Variants in LIPC observed in about 807,000 individuals in gnomAD.
The protein encoded by LIPC is hepatic triacylglycerol lipase.
LIPC carries 44 observed loss-of-function variants against 50.7 expected under a neutral mutation model. The ratio of observed to expected loss-of-function variants is 0.87; its 90% CI spans 0.68 to 1.11. The LOEUF is 1.11. Among genes scored for constraint, LIPC ranks in the 50% most tolerant of loss-of-function variants. The pLI is 0.00. For synonymous variants in LIPC, 271 were observed against 256.4 expected (o/e 1.06, Z -0.54); for missense variants, 697 against 648.2 (o/e 1.08, Z -0.82).
chr15:58,534,937 G>C (rs1325649656), intron 1 of LIPC, among the ~76,000 whole-genome samples: 2 of 152,150 alleles, frequency 1.3e-5, no homozygotes, highest in Non-Finnish European at 2.9e-5. Context: ...CAGTGATTCT[G>C]TTTGTTTCTA....
Position 58,548,372 on chromosome 15 carries a change from A to T in LIPC, c.851A>T (p.His284Leu). The change falls in exon 6 of 9, where the codon CAC becomes CTC. Residue 284 changes from histidine to leucine, a missense_variant. By Grantham distance (99) the His-to-Leu change is moderately conservative (BLOSUM62 -3). Transcript: ENST00000299022. ...TIKCSHERSV[H>L]LFIDSLLHAG... is the part of the protein sequence containing the mutation. ...AAATGCTCCCACGAGCGATCGGTGC[A>T]CCTTTTCATCGACTCCTTGCTGCAC... is the stretch of plus-strand genomic sequence containing the variant. 2 of 1,613,982 alleles carry T rather than the reference A, an allele frequency of 1.2e-6. No homozygotes were observed. The highest frequency in any genetic ancestry group is 1.7e-6 in the Non-Finnish European group (2 of 1,179,990).
chr15:58,567,216 T>A (rs796822811), intron 8 of LIPC, among the ~76,000 whole-genome samples: 38,341 of 121,544 alleles, frequency 0.32, 7,530 homozygotes, highest in East Asian at 0.53. Context: ...AAATAAAAAA[T>A]ATATATATAT....
chr15:58,533,128 T>C (rs1451200991), intron 1 of LIPC: 2 of 982,888 alleles, frequency 2.0e-6, no homozygotes, highest in African/African-American at 1.7e-5. Flanking sequence ...CATCCCCAGA[T>C]TCTTATCACT....
At chr15:58,442,192 T>G in intron 1 of LIPC, among the ~76,000 whole-genome samples, 1 of 152,208 alleles carries the variant, frequency 6.6e-6, no homozygotes, top group East Asian at 1.9e-4. Context: ...TGGGACTGAT[T>G]AGAATGGTCA....
chr15:58,545,210 A>G (rs1368173521), intron 4 of LIPC, among the ~76,000 whole-genome samples: 4 of 152,184 alleles, frequency 2.6e-5, no homozygotes. Flanking sequence ...TTGCTCAAGT[A>G]AATCAAGCAT....
chr15:58,508,055 G>C (rs1892210928), intron 1 of LIPC, among the ~76,000 whole-genome samples: 1 of 152,226 alleles, frequency 6.6e-6, no homozygotes, highest in Non-Finnish European at 1.5e-5. Context: ...GTCCAGGTGT[G>C]TTGACAGACT....
chr15:58,532,883 T>C (rs1239210794), intron 1 of LIPC, among the ~76,000 whole-genome samples: 1 of 152,240 alleles, frequency 6.6e-6, no homozygotes, highest in African/African-American at 2.4e-5. Context: ...TAACTAGGAA[T>C]AGAAAAATCA....
intron 1 of LIPC, among the ~76,000 whole-genome samples, chr15:58,490,499 G>C (rs1359649980): frequency 2.0e-5 from 3 of 152,080 alleles, no homozygotes; most frequent in African/African-American, 7.2e-5. Context: ...CGCCGTTCGC[G>C]GGATAATTAT....
intron 1 of LIPC, among the ~76,000 whole-genome samples, chr15:58,519,478 G>C (rs1892589405): frequency 6.6e-6 from 1 of 151,914 alleles, no homozygotes; most frequent in African/African-American, 2.4e-5. Flanking sequence ...GATTAAGAGA[G>C]TTACTCTGAA....
At chr15:58,520,388 A>G (rs1374384429) in intron 1 of LIPC, among the ~76,000 whole-genome samples, 2 of 152,022 alleles carry the variant, frequency 1.3e-5, no homozygotes, top group South Asian at 4.2e-4. Context: ...CAACGTCTAA[A>G]CCATTCGATG....
At chr15:58,474,496 G>A (rs1265119892) in intron 1 of LIPC, among the ~76,000 whole-genome samples, 3 of 137,004 alleles carry the variant, frequency 2.2e-5, no homozygotes, top group African/African-American at 8.4e-5. Context: ...AGGCAACAGA[G>A]CTAGACCCTG....
chr15:58,500,421 G>A (rs12441548), intron 1 of LIPC, among the ~76,000 whole-genome samples: 81,133 of 151,984 alleles, frequency 0.53, 22,411 homozygotes, highest in East Asian at 0.65. Context: ...ATGTCTCCAT[G>A]TTGCTCTTGT....
intron 1 of LIPC, among the ~76,000 whole-genome samples, chr15:58,494,245 A>G (rs1478470086): frequency 2.0e-5 from 3 of 152,230 alleles, no homozygotes; most frequent in Non-Finnish European, 4.4e-5. Flanking sequence ...CAGCAGTGAC[A>G]TACCCATCAC....
chr15:58,513,735 A>G (rs1273644541), intron 1 of LIPC, among the ~76,000 whole-genome samples: 4 of 152,206 alleles, frequency 2.6e-5, no homozygotes, highest in African/African-American at 9.6e-5. Context: ...CTCAGTTCAC[A>G]GTTGTGCAGC....
chr15:58,457,641 C>T (rs773868763), intron 1 of LIPC, among the ~76,000 whole-genome samples: 5 of 152,182 alleles, frequency 3.3e-5, no homozygotes, highest in Non-Finnish European at 4.4e-5. Context: ...TGACTCAGGC[C>T]GCATCATTTT....
intron 6 of LIPC, among the ~76,000 whole-genome samples, chr15:58,559,383 C>G (rs140120301): frequency 3.3e-4 from 50 of 152,284 alleles, no homozygotes; most frequent in African/African-American, 1.2e-3. Context: ...TGTTAGGATT[C>G]GTGGATTAAC....
At chr15:58,565,022 C>T (rs1246521177) in intron 8 of LIPC, among the ~76,000 whole-genome samples, 1 of 152,208 alleles carries the variant, frequency 6.6e-6, no homozygotes, top group Non-Finnish European at 1.5e-5. Flanking sequence ...CTCTGAACTA[C>T]CCTCTTCCGT....
intron 2 of LIPC, among the ~76,000 whole-genome samples, chr15:58,540,565 T>C (rs189769098): frequency 2.2e-4 from 34 of 152,294 alleles, no homozygotes; most frequent in Admixed American, 2.0e-3. Context: ...AGTAAAGGAA[T>C]GCATCTTACC....
In LIPC at chr15:58,500,353, G is replaced by A. The variant is rs959494575; in HGVS notation, c.89-37980G>A. On this transcript the variant is annotated intron_variant, in intron 1 of 8. Coordinates refer to ENST00000299022, the MANE Select transcript of LIPC (RefSeq NM_000236.3). ...ACAGATGGTGGTGATGACGATGTTG[G>A]AATCAGGTGACTCTAGCCTCTTCAC... Among the ~76,000 whole-genome samples, 11 of 152,270 alleles carry A rather than the reference G, an allele frequency of 7.2e-5. No homozygotes were observed. The East Asian group carries it at 1.7e-3, about 24-fold the overall frequency.
Sources: gnomAD v4.1 joint callset for allele counts (sites outside exome capture counted in the v4.1 genomes callset) on GRCh38, gnomAD v4.1.1 for gene constraint, MANE v1.5 for transcripts, NCBI Gene and HGNC (gene_info 2026-07-23, HGNC 2026-07-21) for gene names.